Variants in NAA11 observed in about 807,000 individuals in gnomAD.
NAA11 encodes the protein N-alpha-acetyltransferase 11, NatA catalytic subunit.
NAA11 carries 15 observed loss-of-function variants against 16.1 expected under a neutral mutation model. That is an observed-to-expected ratio of 0.93 (90% CI 0.62 to 1.44). The LOEUF is 1.44. Ranked by LOEUF, NAA11 falls within the 40% of genes most tolerant of loss-of-function variation. The pLI is 0.00. For missense variants in NAA11, 298 were observed against 291.3 expected (o/e 1.02, Z -0.17); for synonymous variants, 122 against 112.4 (o/e 1.09, Z -0.54).
At chr4:79,233,526 T>C (rs1335944410) in intron 2 of NAA11, among the ~76,000 whole-genome samples, 1 of 151,964 alleles carries the variant, frequency 6.6e-6, no homozygotes, top group African/African-American at 2.4e-5. Context: ...GAGTAAACAG[T>C]TGAGGCTTTT....
At chr4:79,234,972 C>T (rs1721541036) in intron 2 of NAA11, among the ~76,000 whole-genome samples, 1 of 151,980 alleles carries the variant, frequency 6.6e-6, no homozygotes, top group Non-Finnish European at 1.5e-5. Flanking sequence ...CAGTTTGTAA[C>T]TATCTATATG....
At chr4:79,160,433 C>G in the NAA11 span, among the ~76,000 whole-genome samples, 1 of 152,170 alleles carries the variant, frequency 6.6e-6, no homozygotes, top group African/African-American at 2.4e-5. Flanking sequence ...TTTTGAGAAG[C>G]TGTCAGACTG....
intron 1 of NAA11, among the ~76,000 whole-genome samples, chr4:79,300,830 T>A (rs1201877873): frequency 6.6e-6 from 1 of 152,206 alleles, no homozygotes; most frequent in Non-Finnish European, 1.5e-5. Context: ...AGACGGATAT[T>A]AAAATTAGAG....
chr4:79,217,648 C>G, the NAA11 span, among the ~76,000 whole-genome samples: 47 of 152,242 alleles, frequency 3.1e-4, no homozygotes, highest in African/African-American at 1.1e-3. Flanking sequence ...ATAGCTTTAT[C>G]ATACCAAAAT....
the NAA11 span, among the ~76,000 whole-genome samples, chr4:79,192,929 A>G: frequency 8.3e-4 from 126 of 152,206 alleles, no homozygotes; most frequent in African/African-American, 2.6e-3. Context: ...TCTAACTGGT[A>G]TGAGATGATA....
At chr4:79,161,365 T>C in the NAA11 span, among the ~76,000 whole-genome samples, 3 of 152,214 alleles carry the variant, frequency 2.0e-5, no homozygotes, top group Non-Finnish European at 4.4e-5. Flanking sequence ...ATCTAAATTC[T>C]ATTCCAATTA....
intron 2 of NAA11, among the ~76,000 whole-genome samples, chr4:79,280,590 G>A (rs1004498340): frequency 6.6e-6 from 1 of 151,194 alleles, no homozygotes; most frequent in Non-Finnish European, 1.5e-5. Context: ...GATACATTTT[G>A]ATACTTTTTT....
intron 2 of NAA11, among the ~76,000 whole-genome samples, chr4:79,234,249 C>T (rs972300964): frequency 1.3e-5 from 2 of 152,140 alleles, no homozygotes; most frequent in African/African-American, 4.8e-5. Context: ...ATCTCTCTCT[C>T]TCTGGATTAA....
At chr4:79,317,926 A>G (rs192628167) in intron 1 of NAA11, 135 bp from the exon 2 acceptor site, 12 of 152,328 alleles carry the variant, frequency 7.9e-5, no homozygotes, top group Admixed American at 5.9e-4. Context: ...TGGACTAGAT[A>G]TATCTCCATG....
the NAA11 span, among the ~76,000 whole-genome samples, chr4:79,197,932 A>T: frequency 7.8e-4 from 118 of 152,084 alleles, no homozygotes; most frequent in African/African-American, 2.7e-3. Flanking sequence ...GGTGTGGGTG[A>T]GTAGATAGGA....
the NAA11 span, among the ~76,000 whole-genome samples, chr4:79,216,614 A>G: frequency 6.6e-6 from 1 of 152,164 alleles, no homozygotes; most frequent in African/African-American, 2.4e-5. Flanking sequence ...ATCTTAAATA[A>G]TATTATATTT....
At chr4:79,309,618 T>C (rs1723700104) in intron 1 of NAA11, among the ~76,000 whole-genome samples, 1 of 152,012 alleles carries the variant, frequency 6.6e-6, no homozygotes, top group South Asian at 2.1e-4. Context: ...TAGAAATACT[T>C]CACTATTGGC....
At chr4:79,188,571 C>T in the NAA11 span, among the ~76,000 whole-genome samples, 5 of 148,342 alleles carry the variant, frequency 3.4e-5, no homozygotes, top group African/African-American at 5.0e-5. Flanking sequence ...GGCGACAGAG[C>T]GAGACTCCGC....
In NAA11 at chr4:79,307,011, C is replaced by A. The variant is rs527940572; in HGVS notation, c.*13-12897G>T. 3 of 152,292 alleles carry A rather than the reference C, an allele frequency of 2.0e-5. 1 individual carries two copies. Among genetic ancestry groups the A allele is most frequent in the African/African-American group, 7.2e-5 (3 of 41,566 alleles). The allele number at this position is 152,292 out of a possible 1,614,324, so 9.4% of individuals were successfully genotyped here. ...TTACTCATCCCTGATATATGTCCAA[C>A]CCAAAACTCCAAGTTATTTATGTAA... On this transcript the variant is annotated intron_variant and NMD_transcript_variant, in intron 1 of 2. Transcript: ENST00000511542.
the NAA11 span, among the ~76,000 whole-genome samples, chr4:79,184,919 A>T: frequency 2.8e-4 from 43 of 152,334 alleles, no homozygotes; most frequent in African/African-American, 9.1e-4. Flanking sequence ...TTTGTAGATG[A>T]AAACAATTAT....
intron 2 of NAA11, among the ~76,000 whole-genome samples, chr4:79,271,994 A>G (rs28409854): frequency 0.45 from 67,712 of 151,136 alleles, 15,671 homozygotes; most frequent in Middle Eastern, 0.56. Context: ...ATATATATAT[A>G]TGTATACACA....
At chr4:79,274,428 AGGTACATTT>A (rs1337685637) in intron 2 of NAA11, among the ~76,000 whole-genome samples, 2 of 152,092 alleles carry the variant, frequency 1.3e-5, no homozygotes, top group Non-Finnish European at 2.9e-5. Context: ...GCTTTGGAAA[AGGTACATTT>A]GCATCAACCT....
chr4:79,238,170 C>A (rs961183345), intron 2 of NAA11, among the ~76,000 whole-genome samples: 2 of 152,130 alleles, frequency 1.3e-5, no homozygotes, highest in African/African-American at 2.4e-5. Flanking sequence ...TCAATAAATG[C>A]CAGTGGCTTA....
chr4:79,220,011 C>G, the NAA11 span, among the ~76,000 whole-genome samples: 1 of 152,276 alleles, frequency 6.6e-6, no homozygotes, highest in Non-Finnish European at 1.5e-5. Context: ...CTTTCTTGTC[C>G]TATGTGCGAA....
Sources: allele counts gnomAD v4.1 joint callset (sites outside exome capture counted in the v4.1 genomes callset), GRCh38; gene constraint gnomAD v4.1.1; transcripts MANE v1.5; gene names NCBI Gene and HGNC (gene_info 2026-07-23, HGNC 2026-07-21).